STPG2: variants seen among roughly 807,000 people sequenced by gnomAD.
STPG2 encodes the protein sperm tail PG-rich repeat containing 2.
STPG2 carries 56 observed loss-of-function variants against 54.2 expected under a neutral mutation model. The ratio of observed to expected loss-of-function variants is 1.03; its 90% CI spans 0.83 to 1.29. STPG2 has a LOEUF of 1.29. STPG2 is among the 50% of genes most tolerant of loss of function. The pLI is 0.00. For missense variants in STPG2, 596 were observed against 544.9 expected (o/e 1.09, Z -0.93); for synonymous variants, 200 against 181.8 (o/e 1.10, Z -0.81).
intron 5 of STPG2, among the ~76,000 whole-genome samples, chr4:98,033,008 C>T (rs561887760): frequency 6.6e-6 from 1 of 152,132 alleles, no homozygotes; most frequent in East Asian, 1.9e-4. Context: ...AAAATCAACA[C>T]CCTAACATCA....
At chr4:97,773,787 A>G (rs2149064503) in intron 9 of STPG2, among the ~76,000 whole-genome samples, 1 of 152,328 alleles carries the variant, frequency 6.6e-6, no homozygotes, top group Non-Finnish European at 1.5e-5. Flanking sequence ...GAAGAATAAT[A>G]TAGCACAATG....
chr4:97,642,233 C>T (rs1018527700), intron 10 of STPG2, among the ~76,000 whole-genome samples: 1 of 151,148 alleles, frequency 6.6e-6, no homozygotes, highest in East Asian at 1.9e-4. Flanking sequence ...ATTATTTTGT[C>T]TACATTAACA....
At chr4:97,923,419 G>C (rs1732202654) in intron 8 of STPG2, among the ~76,000 whole-genome samples, 2 of 152,246 alleles carry the variant, frequency 1.3e-5, no homozygotes, top group Non-Finnish European at 2.9e-5. Flanking sequence ...GCACAGCGCA[G>C]GACTGGCAGG....
chr4:97,642,280 T>C lies in STPG2; in HGVS notation c.1320+70419A>G, dbSNP rs1177256261. 2.6e-5 allele frequency among the ~76,000 whole-genome samples: 4 copies of C among 151,512 alleles called. No individual in the cohort carries two copies. The East Asian group carries it at 5.8e-4, about 22-fold the overall frequency. On this transcript the variant is annotated intron_variant, in intron 10 of 10. Transcript: ENST00000295268. ...CATAATTCATACATTTTATATGTAG[T>C]ATATGCCATTAAACATGCTTTATGA...
intron 5 of STPG2, among the ~76,000 whole-genome samples, chr4:98,059,022 T>A (rs1199888119): frequency 6.8e-6 from 1 of 147,918 alleles, no homozygotes; most frequent in African/African-American, 2.5e-5. Context: ...AATCAAGACA[T>A]GAAAACCCAT....
intron 3 of STPG2, among the ~76,000 whole-genome samples, chr4:98,113,005 G>GA (rs1157036918): frequency 1.0e-5 from 1 of 99,438 alleles, no homozygotes; most frequent in African/African-American, 4.1e-5. Context: ...TGAGTGTGAA[G>GA]AAACTATGAA....
intron 10 of STPG2, among the ~76,000 whole-genome samples, chr4:97,708,866 T>C (rs1039766868): frequency 5.3e-5 from 8 of 151,764 alleles, no homozygotes; most frequent in African/African-American, 1.9e-4. Flanking sequence ...GACAAGTGGG[T>C]AATCTGCTAA....
intron 5 of STPG2, among the ~76,000 whole-genome samples, chr4:97,987,375 T>C (rs1734861366): frequency 6.6e-6 from 1 of 152,228 alleles, no homozygotes; most frequent in South Asian, 2.1e-4. Flanking sequence ...GTACTGTCTT[T>C]TTAAATGTAT....
intron 8 of STPG2, among the ~76,000 whole-genome samples, chr4:97,896,538 TA>T (rs1306586339): frequency 6.6e-6 from 1 of 151,692 alleles, no homozygotes; most frequent in Non-Finnish European, 1.5e-5. Context: ...GAGATATGGC[TA>T]AAAAAATCTA....
rs570248997 is a variant in STPG2 at position 98,032,815 on chromosome 4, A to G, written c.613-51497T>C. Among the ~76,000 whole-genome samples the G allele has an allele frequency of 3.3e-5, 5 of 152,358 alleles. No homozygotes were observed. The South Asian group carries it at 1.0e-3, about 32-fold the overall frequency. ...CACTCAAACCCACACAACTACATGG[A>G]AACTGAACAACCTGCTCCTGAATGA... is the stretch of plus-strand genomic sequence containing the variant. On this transcript the variant is annotated intron_variant, in intron 5 of 10. Transcript: ENST00000295268.
At chr4:97,919,599 T>C (rs1732020112) in intron 8 of STPG2, among the ~76,000 whole-genome samples, 1 of 151,988 alleles carries the variant, frequency 6.6e-6, no homozygotes, top group South Asian at 2.1e-4. Context: ...TTCTCAAAAA[T>C]TGAATGAATA....
At chr4:97,579,639 C>T (rs1732813421) in intron 10 of STPG2, among the ~76,000 whole-genome samples, 1 of 151,970 alleles carries the variant, frequency 6.6e-6, no homozygotes, top group Non-Finnish European at 1.5e-5. Flanking sequence ...ACAAAAGAAA[C>T]AAACTTTTAA....
At chr4:97,715,666 T>A (rs925909991) in intron 9 of STPG2, among the ~76,000 whole-genome samples, 1 of 152,132 alleles carries the variant, frequency 6.6e-6, no homozygotes, top group African/African-American at 2.4e-5. Flanking sequence ...ATTCTTACTA[T>A]GAATACTTTT....
At chr4:98,136,951 C>T (rs1740150235) in intron 1 of STPG2, among the ~76,000 whole-genome samples, 1 of 151,396 alleles carries the variant, frequency 6.6e-6, no homozygotes, top group South Asian at 2.1e-4. Context: ...GGAAAAAGAA[C>T]AGATGAGATA....
rs140678789 is a variant in STPG2, at chr4:97,719,239, G to T, written c.1205-6425C>A. 2.6e-4 allele frequency among the ~76,000 whole-genome samples: 40 copies of T among 151,866 alleles called. No homozygotes were observed. In the East Asian group the frequency reaches 6.8e-3, roughly 26 times the overall value. On this transcript the variant is annotated intron_variant, in intron 9 of 10. Coordinates refer to ENST00000295268, the MANE Select transcript of STPG2 (RefSeq NM_174952.3). ...TGGCTTTAGTACCTACAGCTCACAG[G>T]GTTTATTCACTACCCTTCTATAGCT...
chr4:97,935,225 T>C (rs566945861), intron 8 of STPG2, among the ~76,000 whole-genome samples: 90 of 152,292 alleles, frequency 5.9e-4, no homozygotes, highest in Admixed American at 1.4e-3. Flanking sequence ...TTTTATTGTG[T>C]CCACTTGATT....
At chr4:97,965,880 C>A (rs1734078626) in intron 7 of STPG2, among the ~76,000 whole-genome samples, 1 of 152,094 alleles carries the variant, frequency 6.6e-6, no homozygotes, top group Non-Finnish European at 1.5e-5. Context: ...CATCAAAGAC[C>A]AAAGGTAGAT....
At chr4:97,668,975 G>T (rs1182074695) in intron 10 of STPG2, among the ~76,000 whole-genome samples, 1 of 151,990 alleles carries the variant, frequency 6.6e-6, no homozygotes, top group African/African-American at 2.4e-5. Context: ...GCTATAGGCT[G>T]GCATTTAAGC....
intron 10 of STPG2, among the ~76,000 whole-genome samples, chr4:97,693,955 TCTGAA>T (rs1435366253): frequency 6.6e-6 from 1 of 152,076 alleles, no homozygotes; most frequent in Non-Finnish European, 1.5e-5. Context: ...ATTAAAAGAC[TCTGAA>T]CTGAATGATA....
Sources: allele counts gnomAD v4.1 joint callset (sites outside exome capture counted in the v4.1 genomes callset), GRCh38; gene constraint gnomAD v4.1.1; transcripts MANE v1.5; gene names NCBI Gene and HGNC (gene_info 2026-07-23, HGNC 2026-07-21).